SEMA6A: variants seen among roughly 807,000 people sequenced by gnomAD.
The protein encoded by SEMA6A is semaphorin-6A.
Under a neutral mutation model 96.8 loss-of-function variants are expected in SEMA6A, and 25 were observed. The ratio of observed to expected loss-of-function variants is 0.26; its 90% CI spans 0.19 to 0.36. SEMA6A has a LOEUF of 0.36. SEMA6A is among the 10% of genes least tolerant of loss of function. The probability of loss-of-function intolerance (pLI) is 1.00; values close to 1 mark genes in which losing one functional copy is unlikely to be tolerated. For synonymous variants in SEMA6A, 612 were observed against 518.0 expected (o/e 1.18, Z -2.46); for missense variants, 1,363 against 1,323.1 (o/e 1.03, Z -0.47).
chr5:116,517,492 A>G (rs1281542805), intron 1 of SEMA6A, among the ~76,000 whole-genome samples: 3 of 152,204 alleles, frequency 2.0e-5, no homozygotes, highest in Non-Finnish European at 4.4e-5. Context: ...CTGATTTCAC[A>G]TATTTTTAAA....
chr5:116,454,299 A>C (rs539507449), intron 18 of SEMA6A, among the ~76,000 whole-genome samples: 3 of 152,202 alleles, frequency 2.0e-5, no homozygotes, highest in Non-Finnish European at 4.4e-5. Flanking sequence ...AAAGCCCCGG[A>C]GTAGCATCCC....
At chr5:116,468,589 A>C (rs182169596) in intron 17 of SEMA6A, 18 of 152,360 alleles carry the variant, frequency 1.2e-4, no homozygotes, top group African/African-American at 4.1e-4. Context: ...CAGAAACTCT[A>C]GCCATTTCCT....
At chr5:116,468,054 C>G in intron 17 of SEMA6A, 1 of 338,180 alleles carries the variant, frequency 3.0e-6, no homozygotes. Context: ...AAAGATACCT[C>G]TCGGTGTTGG....
chr5:116,542,920 G>T (rs1272862593), intron 1 of SEMA6A, among the ~76,000 whole-genome samples: 1 of 152,058 alleles, frequency 6.6e-6, no homozygotes, highest in African/African-American at 2.4e-5. Context: ...CCCTTTCTCT[G>T]ATTTTTTTTG....
intron 1 of SEMA6A, among the ~76,000 whole-genome samples, chr5:116,572,822 T>G (rs1580532545): frequency 6.6e-6 from 1 of 152,180 alleles, no homozygotes; most frequent in African/African-American, 2.4e-5. Flanking sequence ...TCCCTCAGAC[T>G]GCACATGCTG....
intron 1 of SEMA6A, among the ~76,000 whole-genome samples, chr5:116,561,793 A>T (rs1216906998): frequency 6.6e-6 from 1 of 152,216 alleles, no homozygotes; most frequent in East Asian, 1.9e-4. Context: ...TTTTGACACA[A>T]CAAAATATGA....
intron 1 of SEMA6A, among the ~76,000 whole-genome samples, chr5:116,572,873 GA>G (rs1761281417): frequency 6.6e-6 from 1 of 152,184 alleles, no homozygotes; most frequent in South Asian, 2.1e-4. Context: ...GGCTTTCAGG[GA>G]AACTTTCCAG....
At chr5:116,573,742 C>T (rs1226884075) in intron 1 of SEMA6A, among the ~76,000 whole-genome samples, 1 of 152,152 alleles carries the variant, frequency 6.6e-6, no homozygotes, top group Non-Finnish European at 1.5e-5. Flanking sequence ...CCAACCCCCT[C>T]CAGCCCTCGA....
At chr5:116,515,432 T>C (rs886343954) in intron 1 of SEMA6A, among the ~76,000 whole-genome samples, 1 of 152,154 alleles carries the variant, frequency 6.6e-6, no homozygotes, top group Non-Finnish European at 1.5e-5. Context: ...TATTTTTGCG[T>C]TGCTCTCCCT....
intron 5 of SEMA6A, 173 bp from the exon 6 acceptor site, chr5:116,495,687 C>T (rs1326013234): frequency 1.6e-5 from 9 of 554,426 alleles, no homozygotes; most frequent in East Asian, 9.1e-5. Flanking sequence ...CCGACATCAA[C>T]GATTACTCTT....
At chr5:116,487,033 T>A (rs1158184113) in intron 9 of SEMA6A, 67 bp from the exon 10 acceptor site, 3 of 1,126,168 alleles carry the variant, frequency 2.7e-6, no homozygotes, top group Non-Finnish European at 4.0e-6. Context: ...TAGTAGAATC[T>A]GCATTCCTTG....
chr5:116,452,099 C>T (rs1754677976), intron 18 of SEMA6A, among the ~76,000 whole-genome samples: 1 of 152,172 alleles, frequency 6.6e-6, no homozygotes, highest in South Asian at 2.1e-4. Context: ...GTGTACTCCC[C>T]TCCGCAGGTA....
intron 1 of SEMA6A, among the ~76,000 whole-genome samples, chr5:116,516,879 C>A (rs975101463): frequency 1.3e-5 from 2 of 152,224 alleles, no homozygotes; most frequent in African/African-American, 4.8e-5. Flanking sequence ...TCAGGGTCAC[C>A]GCACAAACAG....
rs1262713141 is a variant in SEMA6A, at chr5:116,445,300, G to GT, written c.*1312dup. 1 of 152,670 alleles carries GT rather than the reference G, an allele frequency of 6.6e-6. No homozygotes were observed. The highest frequency in any genetic ancestry group is 2.4e-5 in the African/African-American group (1 of 41,454). 9.5% of individuals were successfully genotyped at this position (152,670 alleles called of 1,614,324 possible). On this transcript the variant is annotated 3_prime_UTR_variant, in exon 19 of 19. Transcript: ENST00000343348. The stretch of plus-strand genomic sequence containing the variant: ...TTTACAAGTGTACACAACTCAAGGT[G>GT]TAAGGCACAAATTTACATGTGGAAA...
chr5:116,477,068 T>C (rs1179088256), intron 15 of SEMA6A, among the ~76,000 whole-genome samples: 2 of 152,220 alleles, frequency 1.3e-5, no homozygotes, highest in East Asian at 1.9e-4. Context: ...GTTGAAGAAA[T>C]GGCTGTGTTG....
chr5:116,496,022 G>A, intron 5 of SEMA6A: 2 of 463,848 alleles, frequency 4.3e-6, no homozygotes, highest in Non-Finnish European at 7.8e-6. Context: ...ATAATCCTGT[G>A]TGCGCCTAAG....
intron 1 of SEMA6A, among the ~76,000 whole-genome samples, chr5:116,544,786 G>A (rs1319809371): frequency 1.3e-5 from 2 of 152,158 alleles, no homozygotes; most frequent in Admixed American, 6.5e-5. Flanking sequence ...CTATGCCAGG[G>A]GGAAAACAGT....
At chr5:116,448,170 TAAAAAAAAAAAAAA>T (rs59202921) in intron 18 of SEMA6A, among the ~76,000 whole-genome samples, 1 of 119,550 alleles carries the variant, frequency 8.4e-6, no homozygotes, top group Non-Finnish European at 1.7e-5. Flanking sequence ...CCGTCTCTAC[TAAAAAAAAAAAAAA>T]AAAAAAAAAA....
intron 1 of SEMA6A, among the ~76,000 whole-genome samples, chr5:116,520,153 A>G (rs1758866019): frequency 6.6e-6 from 1 of 151,900 alleles, no homozygotes; most frequent in African/African-American, 2.4e-5. Context: ...TTCCTGCCTC[A>G]TGGACTTTCT....
Sources: gnomAD v4.1 joint callset for allele counts (sites outside exome capture counted in the v4.1 genomes callset) on GRCh38, gnomAD v4.1.1 for gene constraint, MANE v1.5 for transcripts, NCBI Gene and HGNC (gene_info 2026-07-23, HGNC 2026-07-21) for gene names.